F5: variants seen among roughly 807,000 people sequenced by gnomAD.
The protein encoded by F5 is coagulation factor V.
F5 carries 138 observed loss-of-function variants against 216.4 expected under a neutral mutation model. The observed-to-expected ratio is 0.64, with a 90% CI of 0.56 to 0.73. The LOEUF is 0.73. Ranked by LOEUF, F5 falls within the 30% of genes least tolerant of loss-of-function variation. The pLI, the probability that F5 is intolerant of heterozygous loss-of-function variation, is 0.00. For missense variants in F5, 2,403 were observed against 2,674.0 expected (o/e 0.90, Z 2.24); for synonymous variants, 916 against 930.7 (o/e 0.98, Z 0.29).
chr1:169,518,358 C>T (rs1659207920), intron 23 of F5, 54 bp downstream of exon 23: 1 of 1,603,506 alleles, frequency 6.2e-7, no homozygotes, highest in African/African-American at 1.3e-5. Flanking sequence ...GTAGTGAGGG[C>T]CTTTGCTTTC....
rs1190483809 is a variant in F5, at chr1:169,548,889, AC to A, written c.1611+911del. Among the ~76,000 whole-genome samples, 79 of 148,798 alleles carry A rather than the reference AC, an allele frequency of 5.3e-4. 1 individual carries two copies. Among genetic ancestry groups the A allele is most frequent in the African/African-American group, 1.4e-3 (57 of 40,716 alleles). ...GTCTCAAAAGAAAAAAAAAAAAAAAACAAATCCCAAAAGAAAAATCTCATTT... is the reference window on the plus strand; with the variant it reads ...GTCTCAAAAGAAAAAAAAAAAAAAAAAAATCCCAAAAGAAAAATCTCATTT... On this transcript the variant is annotated intron_variant, in intron 10 of 24. Transcript: ENST00000367797.
chr1:169,553,532 C>A (rs1183768448), intron 7 of F5, among the ~76,000 whole-genome samples: 1 of 152,142 alleles, frequency 6.6e-6, no homozygotes, highest in Non-Finnish European at 1.5e-5. Flanking sequence ...CACGGTGAAA[C>A]CCCATCTCTA....
At position 169,560,655 on chromosome 1, in the gene F5, TG is replaced by T; in HGVS notation, c.484del (p.His162MetfsTer17). ...WSISEDSGPT[H>X]DDPPCLTHIY... ...GTGTGTGAGGCATGGAGGGTCATCA[TG>T]GGTGGGTCCACTGTCCTCACTGATA... On this transcript the variant is annotated frameshift_variant, in exon 4 of 25. Transcript: ENST00000367797. LOFTEE classifies it high-confidence loss of function. 1 of 1,613,796 alleles carries T rather than the reference TG, an allele frequency of 6.2e-7. No homozygotes were observed.
At chr1:169,585,202 C>T (rs972637484) in intron 1 of F5, among the ~76,000 whole-genome samples, 1 of 152,136 alleles carries the variant, frequency 6.6e-6, no homozygotes, top group Non-Finnish European at 1.5e-5. Context: ...GGAGGGATCT[C>T]TTCTTATTAT....
At chr1:169,545,627 G>C (rs892738216) in intron 11 of F5, among the ~76,000 whole-genome samples, 1 of 152,208 alleles carries the variant, frequency 6.6e-6, no homozygotes, top group African/African-American at 2.4e-5. Flanking sequence ...AAAGAAAGCT[G>C]AGAGTAATTT....
intron 11 of F5, among the ~76,000 whole-genome samples, chr1:169,545,706 A>T (rs775812190): frequency 6.6e-6 from 1 of 152,212 alleles, no homozygotes; most frequent in Non-Finnish European, 1.5e-5. Context: ...ATCTGAAGCT[A>T]TATGAACAGA....
Position 169,550,288 on chromosome 1 carries a change from A to G in F5, c.1397-273T>C, listed in dbSNP as rs138954726. ...AATGCTATCCCTCCCCCCGCCCCCCACCCCCCCCCCCCGACAGGCCCCGGT... is the reference window on the plus strand; with the variant it reads ...AATGCTATCCCTCCCCCCGCCCCCCGCCCCCCCCCCCCGACAGGCCCCGGT... On this transcript the variant is annotated intron_variant, in intron 9 of 24. Transcript: ENST00000367797. Among the ~76,000 whole-genome samples, 526 of 72,276 alleles carry G rather than the reference A, an allele frequency of 7.3e-3. 7 individuals carry two copies. Among genetic ancestry groups the G allele is most frequent in the Middle Eastern group, 0.015 (2 of 136 alleles). 47.4% of individuals were successfully genotyped at this position (72,276 alleles called of 152,430 possible). A position where few individuals can be genotyped will look rare whatever the true frequency, so the allele number is the denominator to read the frequency against.
intron 11 of F5, 34 bp from the exon 12 acceptor site, chr1:169,544,542 T>A (rs750317237): frequency 1.3e-6 from 2 of 1,575,472 alleles, no homozygotes. Flanking sequence ...ATTCCAAGTC[T>A]ATGCCAACAA....
chr1:169,579,274 C>A (rs1158023635), intron 2 of F5, among the ~76,000 whole-genome samples: 1 of 152,132 alleles, frequency 6.6e-6, no homozygotes, highest in Non-Finnish European at 1.5e-5. Flanking sequence ...GATTTCTTCT[C>A]CCCTCCCTGA....
At position 169,518,435 on chromosome 1, in the gene F5, G is replaced by T. The variant is rs200646894; in HGVS notation, c.6322C>A (p.Arg2108Ser). ...ACCTTGGCTTGCCAGGCATTCACAC[G>T]TCCCTGGGCATTCAGACGGGCACGG... is the stretch of plus-strand genomic sequence containing the variant. ...PFRARLNAQG[R>S]VNAWQAKANN... Residue 2108 changes from arginine (R) to serine (S), a missense_variant, in exon 23 of 25, where the codon CGT becomes AGT. This residue lies in a region of F5 where 659 missense variants were observed against 787.9 expected (regional missense o/e 0.84). Coordinates refer to ENST00000367797, the MANE Select transcript of F5 (RefSeq NM_000130.5). 9.9e-6 allele frequency: 16 copies of T among 1,613,576 alleles called. No homozygotes were observed. In the Admixed American group the frequency reaches 1.5e-4, roughly 15 times the overall value.
At chr1:169,559,615 T>C (rs1218121178) in intron 4 of F5, among the ~76,000 whole-genome samples, 3 of 152,100 alleles carry the variant, frequency 2.0e-5, no homozygotes, top group Non-Finnish European at 4.4e-5. Context: ...GAAGAGTATA[T>C]AGATACGTTA....
intron 1 of F5, among the ~76,000 whole-genome samples, chr1:169,584,491 T>G (rs1661058643): frequency 6.6e-6 from 1 of 152,250 alleles, no homozygotes; most frequent in African/African-American, 2.4e-5. Context: ...TTTTTGAAAG[T>G]GTTCACCTTA....
At chr1:169,544,183 G>C (rs912399829) in intron 12 of F5, 113 bp downstream of exon 12, 7 of 816,388 alleles carry the variant, frequency 8.6e-6, no homozygotes, top group African/African-American at 3.4e-5. Flanking sequence ...AAGCCTGCAG[G>C]GGGTCAGGGA....
intron 14 of F5, among the ~76,000 whole-genome samples, chr1:169,533,291 C>G (rs1368406870): frequency 6.6e-6 from 1 of 152,108 alleles, no homozygotes; most frequent in African/African-American, 2.4e-5. Flanking sequence ...AATGTCAGAC[C>G]TCAAACTATA....
chr1:169,522,941 G>A (rs962090097), intron 21 of F5, among the ~76,000 whole-genome samples: 1 of 152,158 alleles, frequency 6.6e-6, no homozygotes, highest in Non-Finnish European at 1.5e-5. Context: ...AGAAATCTGG[G>A]TATTTTGTTT....
chr1:169,535,269 T>C (rs1659678247), intron 14 of F5, among the ~76,000 whole-genome samples: 1 of 152,202 alleles, frequency 6.6e-6, no homozygotes. Flanking sequence ...ATTTGATTTT[T>C]TTCCTTTTGC....
chr1:169,586,445 A>G lies in F5; in HGVS notation c.-59T>C. 6.3e-7 allele frequency: 1 copy of G among 1,578,658 alleles called. No homozygotes were observed. Among genetic ancestry groups the G allele is most frequent in the Non-Finnish European group, 8.6e-7 (1 of 1,167,074 alleles). Reference sequence around the variant, plus strand: ...CCCAGGACCTGGGCAGCGCTTGCCGAGCTGCTAACCACACTCCGGGCTGTC... The same window carrying G: ...CCCAGGACCTGGGCAGCGCTTGCCGGGCTGCTAACCACACTCCGGGCTGTC... On this transcript the variant is annotated 5_prime_UTR_variant, in exon 1 of 25. Transcript: ENST00000367797.
chr1:169,513,837 G>T lies in F5; in HGVS notation c.*476C>A, dbSNP rs72708017. On this transcript the variant is annotated 3_prime_UTR_variant, in exon 25 of 25. Coordinates refer to ENST00000367797, the MANE Select transcript of F5 (RefSeq NM_000130.5). The stretch of plus-strand genomic sequence containing the variant: ...AAATCATTGTTATATGGGAAAGACA[G>T]GATATTTTAAGTACTTATTTCATTT... Among the ~76,000 whole-genome samples the T allele has an allele frequency of 6.6e-6, 1 of 151,920 alleles. No individual in the cohort carries two copies. Among genetic ancestry groups the T allele is most frequent in the African/African-American group, 2.4e-5 (1 of 41,368 alleles).
intron 3 of F5, among the ~76,000 whole-genome samples, chr1:169,571,164 C>T (rs976648120): frequency 3.3e-5 from 5 of 152,142 alleles, no homozygotes; most frequent in African/African-American, 1.2e-4. Flanking sequence ...CTCTACTATG[C>T]TTACAATGAT....
Sources: allele counts gnomAD v4.1 joint callset (sites outside exome capture counted in the v4.1 genomes callset), GRCh38; gene constraint gnomAD v4.1.1; regional missense constraint gnomAD v4.1.1; transcripts MANE v1.5; gene names NCBI Gene and HGNC (gene_info 2026-07-23, HGNC 2026-07-21).